Variants in ABTB3 observed in about 807,000 individuals in gnomAD.
ABTB3 encodes the protein ankyrin repeat and BTB domain containing 3.
chr12:107,642,177 C>T, the ABTB3 span: 1 of 1,613,320 alleles, frequency 6.2e-7, no homozygotes. Flanking sequence ...TTCAGGTGAG[C>T]CCCTGGTGTG....
At chr12:107,543,964 C>G in the ABTB3 span, 2 of 1,613,904 alleles carry the variant, frequency 1.2e-6, no homozygotes, top group Non-Finnish European at 1.7e-6. Context: ...AATGCATCAC[C>G]TGCAGCCCCT....
chr12:107,452,586 C>T, the ABTB3 span, among the ~76,000 whole-genome samples: 1 of 152,102 alleles, frequency 6.6e-6, no homozygotes, highest in Admixed American at 6.5e-5. Context: ...CGCAGTGGCT[C>T]ACACCTGTAA....
At chr12:107,369,755 G>C in the ABTB3 span, among the ~76,000 whole-genome samples, 2 of 115,002 alleles carry the variant, frequency 1.7e-5, no homozygotes, top group Non-Finnish European at 3.3e-5. Flanking sequence ...GTTCTCTTCT[G>C]AGCTCTCTGC....
the ABTB3 span, among the ~76,000 whole-genome samples, chr12:107,523,302 T>C: frequency 1.3e-5 from 2 of 152,144 alleles, no homozygotes. Context: ...AATTTGGAAG[T>C]TGCGCTTCCA....
At chr12:107,411,635 C>T in the ABTB3 span, among the ~76,000 whole-genome samples, 1 of 152,176 alleles carries the variant, frequency 6.6e-6, no homozygotes, top group Non-Finnish European at 1.5e-5. Flanking sequence ...GGACTATGAG[C>T]CCTCTGCGCT....
chr12:107,652,489 TG>T, the ABTB3 span, among the ~76,000 whole-genome samples: 1 of 152,182 alleles, frequency 6.6e-6, no homozygotes, highest in Non-Finnish European at 1.5e-5. Context: ...GATTCTCAGA[TG>T]GGGCCAAGAT....
the ABTB3 span, among the ~76,000 whole-genome samples, chr12:107,385,270 C>T: frequency 5.3e-5 from 8 of 152,320 alleles, no homozygotes; most frequent in South Asian, 1.7e-3. Flanking sequence ...GTGGGCTGGA[C>T]ATAGACAAGT....
the ABTB3 span, among the ~76,000 whole-genome samples, chr12:107,546,539 GA>G: frequency 1.3e-5 from 2 of 152,146 alleles, no homozygotes; most frequent in Non-Finnish European, 2.9e-5. Context: ...CATGGCTCAG[GA>G]CCCCATCTTT....
chr12:107,569,905 G>A, the ABTB3 span, among the ~76,000 whole-genome samples: 76 of 152,312 alleles, frequency 5.0e-4, no homozygotes, highest in Middle Eastern at 3.4e-3. Flanking sequence ...CCACCGCATG[G>A]TCCAATTTGG....
the ABTB3 span, among the ~76,000 whole-genome samples, chr12:107,336,014 C>T: frequency 2.9e-3 from 445 of 152,332 alleles, 4 homozygotes; most frequent in African/African-American, 0.01. Flanking sequence ...CCCCACCACC[C>T]GCCCAATGCA....
chr12:107,491,890 GAGA>G, the ABTB3 span, among the ~76,000 whole-genome samples: 1 of 152,086 alleles, frequency 6.6e-6, no homozygotes, highest in Admixed American at 6.5e-5. Context: ...GAAGTTTGAG[GAGA>G]AGATTATAAA....
At chr12:107,350,271 G>T in the ABTB3 span, among the ~76,000 whole-genome samples, 1 of 152,104 alleles carries the variant, frequency 6.6e-6, no homozygotes, top group Non-Finnish European at 1.5e-5. Flanking sequence ...CATTATTCTG[G>T]CTGGGCGCAG....
the ABTB3 span, chr12:107,613,018 C>G: frequency 6.6e-6 from 5 of 757,566 alleles, no homozygotes; most frequent in Non-Finnish European, 1.0e-5. Flanking sequence ...GTTGCTGTGG[C>G]CCTGGTGAGA....
chr12:107,545,676 G>A, the ABTB3 span, among the ~76,000 whole-genome samples: 8 of 152,296 alleles, frequency 5.3e-5, no homozygotes, highest in Non-Finnish European at 1.0e-4. Context: ...TCAGTACGTT[G>A]TGCATATTTT....
the ABTB3 span, among the ~76,000 whole-genome samples, chr12:107,514,877 TG>T: frequency 6.6e-6 from 1 of 152,204 alleles, no homozygotes; most frequent in African/African-American, 2.4e-5. Context: ...GGGAAATTGT[TG>T]ATTCTTTTAA....
At chr12:107,319,567 C>T in the ABTB3 span, 3 of 1,543,040 alleles carry the variant, frequency 1.9e-6, no homozygotes, top group South Asian at 3.5e-5. Context: ...GCTGCGGCCT[C>T]ACCTTCTCCG....
At chr12:107,320,860 C>CG in the ABTB3 span, among the ~76,000 whole-genome samples, 1 of 151,334 alleles carries the variant, frequency 6.6e-6, no homozygotes, top group South Asian at 2.1e-4. Context: ...ATGGAGCTGG[C>CG]GGGGGGCAGT....
the ABTB3 span, among the ~76,000 whole-genome samples, chr12:107,488,804 C>T: frequency 3.3e-5 from 5 of 151,948 alleles, no homozygotes; most frequent in Non-Finnish European, 7.4e-5. Flanking sequence ...AGGAATTGGG[C>T]AGGATAACCA....
the ABTB3 span, among the ~76,000 whole-genome samples, chr12:107,458,991 C>G: frequency 4.6e-5 from 7 of 152,202 alleles, no homozygotes; most frequent in African/African-American, 1.4e-4. Context: ...TTCACCTACT[C>G]CCCTGCAGAA....
Sources: gnomAD v4.1 joint callset for allele counts (sites outside exome capture counted in the v4.1 genomes callset) on GRCh38, gnomAD v4.1.1 for gene constraint, MANE v1.5 for transcripts, NCBI Gene and HGNC (gene_info 2026-07-23, HGNC 2026-07-21) for gene names.